The following DCC variants were observed in gnomAD, a reference collection of about 807,000 sequenced individuals.
DCC encodes the protein netrin receptor DCC.
In DCC, 58 loss-of-function variants were observed where a neutral mutation model predicts 172.5. That is an observed-to-expected ratio of 0.34 (90% CI 0.27 to 0.42). The LOEUF (loss-of-function observed/expected upper bound fraction) is 0.42, where lower values mean the gene tolerates loss of function less well. DCC is among the 10% of genes least tolerant of loss of function. The pLI, the probability that DCC is intolerant of heterozygous loss-of-function variation, is 1.00. For missense variants in DCC, 1,740 were observed against 1,791.0 expected (o/e 0.97, Z 0.51); for synonymous variants, 709 against 644.5 (o/e 1.10, Z -1.52).
intron 7 of DCC, among the ~76,000 whole-genome samples, chr18:53,070,652 T>A (rs7242983): frequency 0.018 from 2,766 of 152,316 alleles, 90 homozygotes; most frequent in African/African-American, 0.062. Context: ...TGAAAATTCA[T>A]TTATTTTCCA....
At chr18:53,163,809 T>A (rs2054878097) in intron 8 of DCC, among the ~76,000 whole-genome samples, 1 of 152,196 alleles carries the variant, frequency 6.6e-6, no homozygotes, top group Non-Finnish European at 1.5e-5. Context: ...GATCATAGTC[T>A]AACTTCCTGC....
intron 1 of DCC, among the ~76,000 whole-genome samples, chr18:52,683,014 C>T (rs1396423993): frequency 6.6e-6 from 1 of 151,936 alleles, no homozygotes; most frequent in African/African-American, 2.4e-5. Flanking sequence ...CTGCAGTTTT[C>T]TAGAGGGAGA....
intron 21 of DCC, among the ~76,000 whole-genome samples, chr18:53,430,183 C>G (rs1029117494): frequency 5.3e-5 from 8 of 152,038 alleles, no homozygotes; most frequent in Non-Finnish European, 1.2e-4. Context: ...TTTCAGAGAA[C>G]AAATTTTAAG....
chr18:52,554,237 G>A (rs2032851202), intron 1 of DCC, among the ~76,000 whole-genome samples: 1 of 152,038 alleles, frequency 6.6e-6, no homozygotes, highest in Non-Finnish European at 1.5e-5. Context: ...AGTAATAAAG[G>A]AATGCCCAAA....
chr18:52,458,365 C>A (rs1483445028), intron 1 of DCC, among the ~76,000 whole-genome samples: 2 of 152,098 alleles, frequency 1.3e-5, no homozygotes, highest in Non-Finnish European at 2.9e-5. Context: ...TCATTGTCCC[C>A]CCCTGACTGC....
chr18:53,179,094 C>T lies in DCC; in HGVS notation c.1551C>T (p.Ile517=), dbSNP rs200723826. 1.1e-4 allele frequency: 175 copies of T among 1,613,770 alleles called. No homozygotes were observed. The highest frequency in any genetic ancestry group is 2.3e-5 in the Non-Finnish European group (27 of 1,179,918). The change falls in exon 9 of 29, where the codon ATC becomes ATT. Residue 517 remains isoleucine (I), a synonymous_variant. Coordinates refer to ENST00000442544, the MANE Select transcript of DCC (RefSeq NM_005215.4). ...EWGPGESSQP[I]KVATQPELQV... Reference sequence around the variant, plus strand: ...GACCGGGAGAGAGTTCTCAACCCATCAAGGTGGCCACACAGCCTGAGTGTG... The same window carrying T: ...GACCGGGAGAGAGTTCTCAACCCATTAAGGTGGCCACACAGCCTGAGTGTG...
Position 53,283,452 on chromosome 18 carries a change from G to A in DCC, c.1912-22126G>A, listed in dbSNP as rs539201046. 8.5e-5 allele frequency among the ~76,000 whole-genome samples: 13 copies of A among 152,092 alleles called. No homozygotes were observed. The East Asian group carries it at 9.7e-4, about 11-fold the overall frequency. ...TATAACATTAATATAGGAAGGACAC[G>A]TTTACTGATTTGATGTATATTATTT... On this transcript the variant is annotated intron_variant, in intron 12 of 28. Coordinates refer to ENST00000442544, the MANE Select transcript of DCC (RefSeq NM_005215.4).
intron 1 of DCC, among the ~76,000 whole-genome samples, chr18:52,371,966 G>T (rs1985140456): frequency 6.6e-6 from 1 of 152,188 alleles, no homozygotes; most frequent in African/African-American, 2.4e-5. Context: ...TAATTGCATT[G>T]TCTTACTCTC....
At chr18:52,760,979 T>A (rs1297470059) in intron 2 of DCC, among the ~76,000 whole-genome samples, 1 of 151,800 alleles carries the variant, frequency 6.6e-6, no homozygotes, top group Admixed American at 6.5e-5. Flanking sequence ...GTTAACAGTC[T>A]TTATATTTAT....
intron 1 of DCC, among the ~76,000 whole-genome samples, chr18:52,421,434 T>G (rs1987244695): frequency 6.6e-6 from 1 of 152,156 alleles, no homozygotes; most frequent in Non-Finnish European, 1.5e-5. Context: ...AAGTCCCTTA[T>G]TCAAATGTGA....
chr18:52,408,447 T>C lies in DCC; in HGVS notation c.91+67569T>C, dbSNP rs542603518. On this transcript the variant is annotated intron_variant, in intron 1 of 28. Transcript: ENST00000442544. ...ATGAACTGAAATTATACATTTTGAA[T>C]TTCATTTTAGAAATATGAGATAAGT... Among the ~76,000 whole-genome samples, 36 of 152,210 alleles carry C rather than the reference T, an allele frequency of 2.4e-4. 1 individual carries two copies. The South Asian group carries it at 2.9e-3, about 12-fold the overall frequency.
intron 2 of DCC, among the ~76,000 whole-genome samples, chr18:52,788,930 A>G (rs1403088681): frequency 1.3e-5 from 2 of 152,292 alleles, no homozygotes; most frequent in South Asian, 4.1e-4. Flanking sequence ...AAATCCATTC[A>G]GCTTATTTTG....
intron 2 of DCC, among the ~76,000 whole-genome samples, chr18:52,873,342 C>T (rs1305063893): frequency 2.6e-5 from 4 of 152,188 alleles, no homozygotes; most frequent in Non-Finnish European, 5.9e-5. Flanking sequence ...TAGGCTCAGG[C>T]ATTATCCCAG....
chr18:52,969,582 C>CACTCTCTCTCTCTCTCT (rs60961374), intron 5 of DCC, among the ~76,000 whole-genome samples: 2 of 80,062 alleles, frequency 2.5e-5, no homozygotes, highest in African/African-American at 5.5e-5. Context: ...GCCCCGCCCC[C>CACTCTCTCTCTCTCTCT]CACTCTCTCT....
At chr18:53,351,297 A>ATATATATATATATATACACTG (rs1568074431) in intron 15 of DCC, among the ~76,000 whole-genome samples, 2 of 26,158 alleles carry the variant, frequency 7.6e-5, no homozygotes, top group African/African-American at 1.5e-4. Flanking sequence ...TACAGTATAT[A>ATATATATATATATATACACTG]TATATATATA....
intron 15 of DCC, among the ~76,000 whole-genome samples, chr18:53,365,629 T>A (rs1221321933): frequency 6.6e-6 from 1 of 152,166 alleles, no homozygotes; most frequent in Non-Finnish European, 1.5e-5. Flanking sequence ...GTGTCTAGCA[T>A]TGAGCACTGT....
intron 1 of DCC, among the ~76,000 whole-genome samples, chr18:52,606,951 T>C (rs1004268515): frequency 1.3e-5 from 2 of 152,154 alleles, no homozygotes; most frequent in Admixed American, 6.6e-5. Context: ...TTCTGGAAAT[T>C]GGGATAGTGA....
intron 7 of DCC, among the ~76,000 whole-genome samples, chr18:53,092,019 CTATCTT>C (rs1191692314): frequency 6.9e-6 from 1 of 145,442 alleles, no homozygotes; most frequent in Non-Finnish European, 1.5e-5. Flanking sequence ...ACCCTGTGAA[CTATCTT>C]TATATGACAA....
chr18:53,028,098 C>T (rs1599043217), intron 5 of DCC, among the ~76,000 whole-genome samples: 1 of 152,136 alleles, frequency 6.6e-6, no homozygotes, highest in Non-Finnish European at 1.5e-5. Flanking sequence ...GTCTAAAATA[C>T]ACTGTGTCCA....
Sources: gnomAD v4.1 joint callset for allele counts (sites outside exome capture counted in the v4.1 genomes callset) on GRCh38, gnomAD v4.1.1 for gene constraint, MANE v1.5 for transcripts, NCBI Gene and HGNC (gene_info 2026-07-23, HGNC 2026-07-21) for gene names.